RAG1: variants seen among roughly 807,000 people sequenced by gnomAD.
The protein encoded by RAG1 is V(D)J recombination-activating protein 1.
A neutral mutation model predicts 62.7 loss-of-function variants in RAG1; 35 were observed. The ratio of observed to expected loss-of-function variants is 0.56; its 90% CI spans 0.43 to 0.74. The LOEUF (loss-of-function observed/expected upper bound fraction) is 0.74, where lower values mean the gene tolerates loss of function less well. RAG1 is among the 30% of genes least tolerant of loss of function. The pLI, the probability that RAG1 is intolerant of heterozygous loss-of-function variation, is 0.00. For synonymous variants in RAG1, 461 were observed against 470.3 expected, an observed-to-expected ratio of 0.98 and a Z score of 0.26; for missense variants, 1,169 against 1,278.6, an observed-to-expected ratio of 0.91 and a Z score of 1.31.
In RAG1 at chr11:36,579,568, A is replaced by G. The variant is rs1850906331; in HGVS notation, c.*3132A>G. 6.0e-6 allele frequency: 1 copy of G among 165,796 alleles called. No individual in the cohort carries two copies. The highest frequency in any genetic ancestry group is 2.4e-5 in the African/African-American group (1 of 41,026). 10.3% of individuals were successfully genotyped at this position (165,796 alleles called of 1,614,324 possible). A position where few individuals can be genotyped will look rare whatever the true frequency, so the allele number is the denominator to read the frequency against. On this transcript the variant is annotated 3_prime_UTR_variant, in exon 2 of 2. Transcript: ENST00000299440. The stretch of plus-strand genomic sequence containing the variant: ...AGCCTTTTTTTTTTTTGTATTTCAG[A>G]GAAAATTCAGGTACCAGGATGCAAT...
rs765060046 is a variant in RAG1 at position 36,573,947 on chromosome 11, A to G, written c.643A>G (p.Asn215Asp). The G allele has an allele frequency of 1.9e-6, 3 of 1,614,152 alleles. No homozygotes were observed. The South Asian group carries it at 3.3e-5, about 18-fold the overall frequency. ...HPHTPSCDIC[N>D]TARRGLKRKS... The stretch of plus-strand genomic sequence containing the variant: ...CCACACACCATCCTGTGACATCTGC[A>G]ACACTGCCCGTCGGGGACTCAAGAG... The change falls in exon 2 of 2, where the codon AAC becomes GAC. Residue 215 changes from asparagine (N) to aspartate (D), a missense_variant. By Grantham distance (23) the Asn-to-Asp change is conservative. Transcript: ENST00000299440.
intron 3 of RAG1, among the ~76,000 whole-genome samples, chr11:36,545,167 A>G (rs1235500459): frequency 6.6e-6 from 1 of 152,206 alleles, no homozygotes; most frequent in Non-Finnish European, 1.5e-5. Flanking sequence ...TTTTTGCATT[A>G]AAGTATATCT....
chr11:36,526,610 C>G (rs1047544553), intron 2 of RAG1, among the ~76,000 whole-genome samples: 6 of 152,096 alleles, frequency 3.9e-5, no homozygotes, highest in African/African-American at 1.4e-4. Context: ...AATGGGATTG[C>G]TAGTTCAAAT....
intron 2 of RAG1, among the ~76,000 whole-genome samples, chr11:36,529,404 G>C (rs2673019): frequency 0.98 from 149,316 of 152,302 alleles, 73,246 homozygotes; most frequent in Non-Finnish European, 1. Flanking sequence ...ACATGATTAT[G>C]TCAATAGGTA....
intron 3 of RAG1, among the ~76,000 whole-genome samples, chr11:36,551,465 G>A (rs186683537): frequency 6.6e-6 from 1 of 152,092 alleles, no homozygotes; most frequent in Non-Finnish European, 1.5e-5. Context: ...TCCTTGGCTT[G>A]TAGATGGTCA....
chr11:36,547,859 C>A (rs1850420927), intron 3 of RAG1, among the ~76,000 whole-genome samples: 1 of 152,092 alleles, frequency 6.6e-6, no homozygotes, highest in African/African-American at 2.4e-5. Context: ...TGATGAACAT[C>A]GATGTGAAAA....
upstream of RAG1, chr11:36,567,286 A>G (rs544386293): frequency 6.6e-6 from 1 of 152,298 alleles, no homozygotes; most frequent in South Asian, 2.1e-4. Context: ...TGAAAATTAA[A>G]TGACACATAA....
upstream of RAG1, among the ~76,000 whole-genome samples, chr11:36,565,622 TG>T (rs1432427905): frequency 3.9e-5 from 6 of 152,246 alleles, no homozygotes; most frequent in Non-Finnish European, 7.3e-5. Flanking sequence ...TTAATTTGCT[TG>T]GAACAACATG....
At chr11:36,536,332 C>G (rs941258531), downstream of RAG1, among the ~76,000 whole-genome samples, 4 of 152,088 alleles carry the variant, frequency 2.6e-5, no homozygotes, top group Middle Eastern at 3.2e-3. Context: ...AACAAATGGG[C>G]TGGATCTTAA....
At chr11:36,546,377 T>C (rs1014728252) in intron 3 of RAG1, among the ~76,000 whole-genome samples, 3 of 152,212 alleles carry the variant, frequency 2.0e-5, no homozygotes, top group Admixed American at 6.5e-5. Context: ...AAGTCTGTTT[T>C]ATTAGAGACT....
rs750522174 is a variant in RAG1 at position 36,578,640 on chromosome 11, T to C, written c.*2204T>C. 10 of 167,050 alleles carry C rather than the reference T, an allele frequency of 6.0e-5. No homozygotes were observed. Among genetic ancestry groups the C allele is most frequent in the Non-Finnish European group, 1.3e-4 (9 of 68,114 alleles). The allele number at this position is 167,050 out of a possible 1,614,324, so 10.3% of individuals were successfully genotyped here. On this transcript the variant is annotated 3_prime_UTR_variant, in exon 2 of 2. Transcript: ENST00000299440. Reference sequence around the variant, plus strand: ...TGAATGCATGTGACTAAGAGCATGATTTATAGCACAACCTTTCCAATAATC... The same window carrying C: ...TGAATGCATGTGACTAAGAGCATGACTTATAGCACAACCTTTCCAATAATC...
intron 1 of RAG1, among the ~76,000 whole-genome samples, chr11:36,572,015 T>C (rs1048736985): frequency 2.0e-5 from 3 of 152,180 alleles, no homozygotes; most frequent in African/African-American, 4.8e-5. Context: ...GCTGTCAGCA[T>C]TAACCCTTGC....
intron 3 of RAG1, among the ~76,000 whole-genome samples, chr11:36,548,641 A>C (rs1381106547): frequency 6.6e-6 from 1 of 152,164 alleles, no homozygotes. Flanking sequence ...ACAAATGGCA[A>C]AACATTCCAT....
upstream of RAG1, among the ~76,000 whole-genome samples, chr11:36,563,086 C>T (rs1850613552): frequency 2.0e-5 from 3 of 152,190 alleles, no homozygotes; most frequent in South Asian, 6.2e-4. Flanking sequence ...AGAACCCACT[C>T]TAATGACCCC....
chr11:36,528,161 A>G (rs1478998554), intron 2 of RAG1, among the ~76,000 whole-genome samples: 1 of 151,958 alleles, frequency 6.6e-6, no homozygotes, highest in African/African-American at 2.4e-5. Flanking sequence ...CATCTACAGA[A>G]CTCTCCACCC....
chr11:36,530,776 T>A (rs1860241610), intron 2 of RAG1, among the ~76,000 whole-genome samples: 1 of 152,004 alleles, frequency 6.6e-6, no homozygotes, highest in Non-Finnish European at 1.5e-5. Flanking sequence ...AAAGAATGTG[T>A]ATTCTGCTGT....
In RAG1 at chr11:36,574,752, A is replaced by G; in HGVS notation, c.1448A>G (p.Gln483Arg). ...IRVNTFLSCS[Q>R]YHKMYRTVKA... Reference sequence around the variant, plus strand: ...GTCAACACCTTCCTCAGCTGCAGTCAGTACCACAAGATGTACAGGACTGTG... The same window carrying G: ...GTCAACACCTTCCTCAGCTGCAGTCGGTACCACAAGATGTACAGGACTGTG... Residue 483 changes from glutamine to arginine, a missense_variant, in exon 2 of 2, where the codon CAG becomes CGG. Gln to Arg is a conservative substitution (Grantham distance 43). Transcript: ENST00000299440. The G allele has an allele frequency of 6.2e-7, 1 of 1,614,254 alleles. No homozygotes were observed. Among genetic ancestry groups the G allele is most frequent in the Non-Finnish European group, 8.5e-7 (1 of 1,180,048 alleles).
chr11:36,567,673 G>T (rs144104412), upstream of RAG1, among the ~76,000 whole-genome samples: 12 of 152,310 alleles, frequency 7.9e-5, no homozygotes, highest in African/African-American at 2.6e-4. Context: ...ACTCTTTGAG[G>T]TATATACTAC....
intron 2 of RAG1, among the ~76,000 whole-genome samples, chr11:36,528,560 AC>A (rs1209496976): frequency 6.6e-6 from 1 of 152,078 alleles, no homozygotes; most frequent in African/African-American, 2.4e-5. Flanking sequence ...TAAAATCAAC[AC>A]CCTAACATAA....
Sources: allele counts gnomAD v4.1 joint callset (sites outside exome capture counted in the v4.1 genomes callset), GRCh38; gene constraint gnomAD v4.1.1; transcripts MANE v1.5; gene names NCBI Gene and HGNC (gene_info 2026-07-23, HGNC 2026-07-21).